Variants in CELF4 observed in about 807,000 individuals in gnomAD.
The protein encoded by CELF4 is CUGBP Elav-like family member 4.
Under a neutral mutation model 59.9 loss-of-function variants are expected in CELF4, and 18 were observed. That is an observed-to-expected ratio of 0.30 (90% confidence interval 0.21 to 0.45). The LOEUF is 0.45. Ranked by LOEUF, CELF4 falls within the 20% of genes least tolerant of loss-of-function variation. CELF4 has a pLI of 1.00. For synonymous variants in CELF4, 261 were observed against 267.1 expected (o/e 0.98, Z 0.22); for missense variants, 456 against 689.0 (o/e 0.66, Z 3.79).
At chr18:37,488,363 T>C (rs577302321) in intron 1 of CELF4, among the ~76,000 whole-genome samples, 1 of 152,192 alleles carries the variant, frequency 6.6e-6, no homozygotes, top group South Asian at 2.1e-4. Flanking sequence ...CTGTTTCTGC[T>C]TGGTTCTCAG....
chr18:37,464,493 C>T (rs773322405), intron 2 of CELF4, among the ~76,000 whole-genome samples: 7 of 152,142 alleles, frequency 4.6e-5, no homozygotes, highest in Non-Finnish European at 1.0e-4. Flanking sequence ...GACACTTGGA[C>T]CATATGTGAG....
At chr18:37,334,909 A>G (rs1225142867) in intron 2 of CELF4, among the ~76,000 whole-genome samples, 1 of 152,026 alleles carries the variant, frequency 6.6e-6, no homozygotes, top group Non-Finnish European at 1.5e-5. Flanking sequence ...GCCAAGCACA[A>G]ACCTGAGTCA....
At chr18:37,437,987 G>A (rs567715195) in intron 2 of CELF4, among the ~76,000 whole-genome samples, 1 of 152,142 alleles carries the variant, frequency 6.6e-6, no homozygotes, top group Non-Finnish European at 1.5e-5. Flanking sequence ...AGAATAGAAA[G>A]AGACCAGAGC....
At chr18:37,393,115 C>T (rs922480542) in intron 2 of CELF4, among the ~76,000 whole-genome samples, 2 of 151,714 alleles carry the variant, frequency 1.3e-5, no homozygotes, top group African/African-American at 2.4e-5. Flanking sequence ...ACAGGGACTG[C>T]GGTGTGTTGG....
chr18:37,380,792 A>AATCCCTCCATCC (rs2099029604), intron 2 of CELF4, among the ~76,000 whole-genome samples: 1 of 134,758 alleles, frequency 7.4e-6, no homozygotes, highest in African/African-American at 2.9e-5. Flanking sequence ...TTTCTCCATG[A>AATCCCTCCATCC]ATCCATCCAT....
chr18:37,282,699 C>T (rs1211743155), intron 3 of CELF4, among the ~76,000 whole-genome samples: 2 of 152,168 alleles, frequency 1.3e-5, no homozygotes, highest in African/African-American at 2.4e-5. Flanking sequence ...CTGATCAGGT[C>T]GGCGCAGACA....
At chr18:37,440,494 C>A (rs2099709143) in intron 2 of CELF4, among the ~76,000 whole-genome samples, 1 of 152,198 alleles carries the variant, frequency 6.6e-6, no homozygotes, top group Admixed American at 6.5e-5. Context: ...AGGAGCATTT[C>A]CTCCATGTCA....
chr18:37,316,070 C>T (rs1354585754), intron 3 of CELF4, among the ~76,000 whole-genome samples: 2 of 152,154 alleles, frequency 1.3e-5, no homozygotes, highest in Non-Finnish European at 2.9e-5. Flanking sequence ...TTCCTAGGGA[C>T]ACCCATGGAG....
At chr18:37,256,870 C>T (rs191973288) in intron 11 of CELF4, among the ~76,000 whole-genome samples, 3 of 152,322 alleles carry the variant, frequency 2.0e-5, no homozygotes, top group African/African-American at 7.2e-5. Context: ...TAGGCATGAG[C>T]CACTGCACCC....
chr18:37,515,624 A>T (rs1335673203), intron 1 of CELF4, among the ~76,000 whole-genome samples: 3 of 152,230 alleles, frequency 2.0e-5, no homozygotes, highest in African/African-American at 7.2e-5. Flanking sequence ...TGACTGGGAC[A>T]CTGAACAGAC....
chr18:37,499,130 A>C (rs138220235), intron 1 of CELF4, among the ~76,000 whole-genome samples: 1 of 152,128 alleles, frequency 6.6e-6, no homozygotes, highest in Non-Finnish European at 1.5e-5. Context: ...ACCTCATTGC[A>C]CTTCCTGTAC....
intron 2 of CELF4, among the ~76,000 whole-genome samples, chr18:37,437,243 G>A (rs564393460): frequency 6.6e-6 from 1 of 152,310 alleles, no homozygotes; most frequent in African/African-American, 2.4e-5. Context: ...GGCAGGAGAA[G>A]CAGGAACCAG....
At chr18:37,272,981 C>A in intron 7 of CELF4, 35 bp downstream of exon 7, 4 of 1,582,564 alleles carry the variant, frequency 2.5e-6, no homozygotes, top group South Asian at 1.1e-5. Context: ...GTTCTCCCAC[C>A]GGGCCAGACC....
intron 2 of CELF4, among the ~76,000 whole-genome samples, chr18:37,402,050 C>G (rs1307161714): frequency 6.6e-6 from 1 of 152,214 alleles, no homozygotes; most frequent in Non-Finnish European, 1.5e-5. Flanking sequence ...GGACAAATCA[C>G]TGCAGCTCTC....
intron 2 of CELF4, among the ~76,000 whole-genome samples, chr18:37,324,791 G>A (rs117257222): frequency 0.016 from 2,430 of 152,306 alleles, 24 homozygotes; most frequent in Non-Finnish European, 0.026. Flanking sequence ...CGCATTGCTA[G>A]ATCATCACAA....
intron 8 of CELF4, among the ~76,000 whole-genome samples, chr18:37,269,008 AG>A (rs2079075664): frequency 6.6e-6 from 1 of 152,148 alleles, no homozygotes; most frequent in African/African-American, 2.4e-5. Flanking sequence ...CAGATGCCAG[AG>A]GGGGTTGGGA....
chr18:37,548,999 C>T (rs997724326), intron 1 of CELF4, among the ~76,000 whole-genome samples: 59 of 152,304 alleles, frequency 3.9e-4, no homozygotes, highest in African/African-American at 1.2e-3. Context: ...GACCGTCCAC[C>T]GAACAGATGC....
At chr18:37,446,350 G>T (rs1218892466) in intron 2 of CELF4, among the ~76,000 whole-genome samples, 4 of 152,198 alleles carry the variant, frequency 2.6e-5, no homozygotes, top group African/African-American at 9.6e-5. Flanking sequence ...GGTCGAGCCA[G>T]GCCTGGGTGA....
chr18:37,512,250 T>C (rs950270320), intron 1 of CELF4, among the ~76,000 whole-genome samples: 1 of 152,196 alleles, frequency 6.6e-6, no homozygotes, highest in Non-Finnish European at 1.5e-5. Flanking sequence ...CTGCAGTTCA[T>C]AATATCCAGG....
Sources: gnomAD v4.1 joint callset for allele counts (sites outside exome capture counted in the v4.1 genomes callset) on GRCh38, gnomAD v4.1.1 for gene constraint, MANE v1.5 for transcripts, NCBI Gene and HGNC (gene_info 2026-07-23, HGNC 2026-07-21) for gene names.